Variants in CDC20B observed in about 807,000 individuals in gnomAD.
CDC20B encodes cell division cycle 20B.
CDC20B carries 58 observed loss-of-function variants against 64.1 expected under a neutral mutation model. The observed-to-expected ratio is 0.90, with a 90% CI of 0.73 to 1.13. The LOEUF is 1.13. Ranked by LOEUF, CDC20B falls within the 50% of genes most tolerant of loss-of-function variation. The probability of loss-of-function intolerance (pLI) is 0.00; values close to 1 mark genes in which losing one functional copy is unlikely to be tolerated. For synonymous variants in CDC20B, 243 were observed against 230.6 expected (o/e 1.05, Z -0.49); for missense variants, 597 against 633.0 (o/e 0.94, Z 0.61).
chr5:55,114,217 G>A lies in CDC20B; in HGVS notation c.*1C>T, dbSNP rs1383999224. On this transcript the variant is annotated 3_prime_UTR_variant, in exon 12 of 12. Coordinates refer to ENST00000381375, the MANE Select transcript of CDC20B (RefSeq NM_001170402.1). The surrounding 1 kb of genome is among the most constrained non-coding windows in gnomAD (Gnocchi z 4.1). ...AAACTGAAACCTAGAGGGGCTGGGT[G>A]CTAGTAGCAATTCCATACAGAGGCC... 2.5e-6 allele frequency: 4 copies of A among 1,613,172 alleles called. No homozygotes were observed. Among genetic ancestry groups the A allele is most frequent in the African/African-American group, 1.3e-5 (1 of 74,890 alleles).
At chr5:55,172,467 G>T (rs1258477118) in intron 2 of CDC20B, 121 bp downstream of exon 2, 2 of 761,102 alleles carry the variant, frequency 2.6e-6, no homozygotes, top group Non-Finnish European at 4.4e-6. Context: ...TATGTAATAA[G>T]ATACTAAAAT....
rs554743304 is a variant in CDC20B at position 55,135,250 on chromosome 5, C to A, written c.581-1722G>T. On this transcript the variant is annotated intron_variant, in intron 5 of 11. Transcript: ENST00000381375. ...GTGTGTGTCTATATATATATATATA[C>A]AGAGAGAGAAAGAGAGAGGGAGAGA... Among the ~76,000 whole-genome samples the A allele has an allele frequency of 2.6e-3, 389 of 150,600 alleles. 2 individuals are homozygous for A. Among genetic ancestry groups the A allele is most frequent in the African/African-American group, 9.0e-3 (363 of 40,516 alleles).
At chr5:55,120,326 G>C (rs1174518587) in intron 10 of CDC20B, 99 bp downstream of exon 10, 12 of 1,390,736 alleles carry the variant, frequency 8.6e-6, no homozygotes, top group Non-Finnish European at 1.2e-5. Context: ...GGACTCAATA[G>C]AGAAAGAGAG....
chr5:55,145,247 T>C (rs1743437952), intron 3 of CDC20B, among the ~76,000 whole-genome samples: 1 of 152,200 alleles, frequency 6.6e-6, no homozygotes, highest in African/African-American at 2.4e-5. Context: ...GCTTCCCTCC[T>C]CGGTTATTAA....
At chr5:55,172,283 G>T in intron 2 of CDC20B, 1 of 302,978 alleles carries the variant, frequency 3.3e-6, no homozygotes. Flanking sequence ...CAACAGAGAG[G>T]AGTGCAACTA....
At chr5:55,135,507 A>G (rs938812158) in intron 5 of CDC20B, among the ~76,000 whole-genome samples, 6 of 152,172 alleles carry the variant, frequency 3.9e-5, no homozygotes, top group Non-Finnish European at 7.3e-5. Flanking sequence ...CATCCCAACC[A>G]TATATTCCCA....
chr5:55,140,897 T>G (rs1743311526), intron 4 of CDC20B, among the ~76,000 whole-genome samples: 3 of 152,160 alleles, frequency 2.0e-5, no homozygotes, highest in Admixed American at 6.5e-5. Flanking sequence ...ACATCCAACT[T>G]CAATCAAAAA....
At chr5:55,125,091 G>T in intron 8 of CDC20B, 63 bp from the exon 9 acceptor site, 1 of 1,352,580 alleles carries the variant, frequency 7.4e-7, no homozygotes, top group Non-Finnish European at 1.0e-6. Context: ...AAAACATGGA[G>T]GAAAGCATAG....
chr5:55,129,311 C>G (rs1427623877), intron 6 of CDC20B, among the ~76,000 whole-genome samples: 3 of 152,066 alleles, frequency 2.0e-5, no homozygotes, highest in South Asian at 2.1e-4. Flanking sequence ...AAAACAAACA[C>G]CTGGAGATCC....
chr5:55,158,871 G>A (rs891113695), intron 2 of CDC20B, among the ~76,000 whole-genome samples: 5 of 152,134 alleles, frequency 3.3e-5, no homozygotes, highest in Non-Finnish European at 5.9e-5. Context: ...GGGAAATAAA[G>A]AGAAAAAACG....
intron 2 of CDC20B, among the ~76,000 whole-genome samples, chr5:55,156,568 A>G (rs781348290): frequency 2.6e-5 from 4 of 152,170 alleles, no homozygotes; most frequent in Non-Finnish European, 4.4e-5. Context: ...TGTGCAGTAT[A>G]AAGCTCTCTA....
At chr5:55,125,059 C>A in intron 8 of CDC20B, 31 bp from the exon 9 acceptor site, 1 of 1,555,300 alleles carries the variant, frequency 6.4e-7, no homozygotes, top group Non-Finnish European at 8.9e-7. Flanking sequence ...AAAATTAAGC[C>A]CTGTTGCTAC....
intron 4 of CDC20B, among the ~76,000 whole-genome samples, chr5:55,142,863 T>C (rs1295579676): frequency 2.6e-5 from 4 of 152,234 alleles, no homozygotes; most frequent in Non-Finnish European, 4.4e-5. Context: ...ATTGAGAATT[T>C]ATGACTTTTC....
Position 55,173,052 on chromosome 5 carries a change from C to G in CDC20B, c.-52G>C. The G allele has an allele frequency of 1.3e-6, 2 of 1,525,950 alleles. No homozygotes were observed. Among genetic ancestry groups the G allele is most frequent in the Non-Finnish European group, 1.8e-6 (2 of 1,114,074 alleles). 94.5% of individuals were successfully genotyped at this position (1,525,950 alleles called of 1,614,324 possible). On this transcript the variant is annotated 5_prime_UTR_variant, in exon 1 of 12. Transcript: ENST00000381375. ...GTTTGGCCTCTCTGCTCGACTGCCT[C>G]TGGTTTTCTTCCCAGGTCTAAGTCA...
At chr5:55,130,928 C>T (rs1363143012) in intron 6 of CDC20B, among the ~76,000 whole-genome samples, 1 of 152,022 alleles carries the variant, frequency 6.6e-6, no homozygotes, top group Non-Finnish European at 1.5e-5. Flanking sequence ...TCAAGACCAG[C>T]CTGAGGAGTA....
intron 5 of CDC20B, among the ~76,000 whole-genome samples, chr5:55,139,784 G>A (rs951879309): frequency 1.3e-5 from 2 of 152,116 alleles, no homozygotes; most frequent in Non-Finnish European, 2.9e-5. Context: ...CAGCACTTTG[G>A]GAGGCTGAGG....
At chr5:55,155,072 AATAGAAAGG>A (rs1743772071) in intron 2 of CDC20B, among the ~76,000 whole-genome samples, 1 of 152,144 alleles carries the variant, frequency 6.6e-6, no homozygotes. Flanking sequence ...AGTATTTATT[AATAGAAAGG>A]AAGAGGAAGA....
At chr5:55,136,303 TA>T (rs1450012579) in intron 5 of CDC20B, among the ~76,000 whole-genome samples, 1 of 149,908 alleles carries the variant, frequency 6.7e-6, no homozygotes, top group East Asian at 2.1e-4. Context: ...TTCACACCTG[TA>T]ATCCCAGCAC....
intron 2 of CDC20B, chr5:55,165,230 G>A (rs533828123): frequency 7.5e-6 from 1 of 132,788 alleles, no homozygotes; most frequent in South Asian, 2.4e-4. Flanking sequence ...TAGATCAGCA[G>A]TCACTGAACC....
Sources: gnomAD v4.1 joint callset for allele counts (sites outside exome capture counted in the v4.1 genomes callset) on GRCh38, gnomAD v4.1.1 for gene constraint, Gnocchi (gnomAD v3.1) non-coding constraint, MANE v1.5 for transcripts, NCBI Gene and HGNC (gene_info 2026-07-23, HGNC 2026-07-21) for gene names.